PNOC: variants seen among roughly 807,000 people sequenced by gnomAD.
PNOC encodes the protein prepronociceptin.
A neutral mutation model predicts 15.6 loss-of-function variants in PNOC; 10 were observed. The observed-to-expected ratio is 0.64, with a 90% CI of 0.40 to 1.09. PNOC has a LOEUF of 1.09. Ranked by LOEUF, PNOC falls within the 50% of genes least tolerant of loss-of-function variation. PNOC has a pLI of 0.01. For missense variants in PNOC, 220 were observed against 223.9 expected (o/e 0.98, Z 0.11); for synonymous variants, 98 against 88.5 (o/e 1.11, Z -0.60).
At chr8:28,327,215 G>A (rs546082855) in intron 1 of PNOC, among the ~76,000 whole-genome samples, 1 of 152,260 alleles carries the variant, frequency 6.6e-6, no homozygotes, top group South Asian at 2.1e-4. Flanking sequence ...CCTAAAGATG[G>A]TTCTACAGGG....
chr8:28,320,780 G>A (rs931489761), intron 1 of PNOC, among the ~76,000 whole-genome samples: 1 of 150,268 alleles, frequency 6.7e-6, no homozygotes, highest in East Asian at 2.0e-4. Flanking sequence ...GAACTCGGGA[G>A]GTGGAGGTTG....
chr8:28,341,418 C>G (rs1298029041), intron 3 of PNOC, among the ~76,000 whole-genome samples: 3 of 152,218 alleles, frequency 2.0e-5, no homozygotes, highest in African/African-American at 7.2e-5. Flanking sequence ...CAGCACCTAA[C>G]AGTAAATCGT....
chr8:28,335,359 T>G (rs1801394652), intron 2 of PNOC, among the ~76,000 whole-genome samples: 1 of 152,262 alleles, frequency 6.6e-6, no homozygotes, highest in Non-Finnish European at 1.5e-5. Context: ...TTGGACACAT[T>G]ACTCAACCAC....
chr8:28,320,617 G>C (rs1036768121), intron 1 of PNOC, among the ~76,000 whole-genome samples: 1 of 152,080 alleles, frequency 6.6e-6, no homozygotes, highest in African/African-American at 2.4e-5. Context: ...TTGGGAGGCC[G>C]AGGTGGGCAG....
intron 1 of PNOC, among the ~76,000 whole-genome samples, chr8:28,318,678 G>A (rs1801099465): frequency 6.6e-6 from 1 of 152,168 alleles, no homozygotes; most frequent in African/African-American, 2.4e-5. Context: ...TGAGTCTTCT[G>A]CAGAGGAGGG....
At chr8:28,319,335 C>A (rs913058708) in intron 1 of PNOC, among the ~76,000 whole-genome samples, 1 of 152,028 alleles carries the variant, frequency 6.6e-6, no homozygotes, top group Admixed American at 6.6e-5. Context: ...ATTAGAGGAC[C>A]ATGCAAGGCA....
chr8:28,333,372 C>CT (rs1303082211), intron 2 of PNOC, among the ~76,000 whole-genome samples: 16 of 152,214 alleles, frequency 1.1e-4, no homozygotes, highest in Admixed American at 3.3e-4. Flanking sequence ...CGCATTCTGG[C>CT]TTAATATAGC....
At chr8:28,334,423 G>A (rs1400354508) in intron 2 of PNOC, among the ~76,000 whole-genome samples, 1 of 151,988 alleles carries the variant, frequency 6.6e-6, no homozygotes, top group Non-Finnish European at 1.5e-5. Context: ...CAAATTTCTG[G>A]GCCCCACCCT....
At chr8:28,336,390 A>G (rs1801412218) in intron 2 of PNOC, among the ~76,000 whole-genome samples, 2 of 152,326 alleles carry the variant, frequency 1.3e-5, no homozygotes, top group African/African-American at 4.8e-5. Flanking sequence ...CCAGGGAACT[A>G]GAAGTTATCA....
chr8:28,330,396 A>ATTTT (rs67554549), intron 2 of PNOC, among the ~76,000 whole-genome samples: 1 of 80,414 alleles, frequency 1.2e-5, no homozygotes, highest in African/African-American at 3.9e-5. Context: ...ATTTTATTTT[A>ATTTT]TTTTTTTTTT....
At chr8:28,324,640 G>A (rs1563326601) in intron 1 of PNOC, among the ~76,000 whole-genome samples, 1 of 152,172 alleles carries the variant, frequency 6.6e-6, no homozygotes, top group African/African-American at 2.4e-5. Flanking sequence ...GAAGCGGGAG[G>A]ATCACCTGAG....
chr8:28,339,599 C>A, intron 3 of PNOC, 108 bp downstream of exon 3: 1 of 867,546 alleles, frequency 1.2e-6, no homozygotes, highest in Non-Finnish European at 1.6e-6. Flanking sequence ...CCCCTCCCCA[C>A]TCCACACACA....
At chr8:28,336,016 GC>G (rs34532369) in intron 2 of PNOC, among the ~76,000 whole-genome samples, 49,669 of 152,038 alleles carry the variant, frequency 0.33, 9,983 homozygotes, top group Non-Finnish European at 0.46. Flanking sequence ...GACAGGAGCT[GC>G]CTGCAACAGT....
At chr8:28,341,824 A>C (rs1474106668) in intron 3 of PNOC, among the ~76,000 whole-genome samples, 1 of 152,180 alleles carries the variant, frequency 6.6e-6, no homozygotes, top group Non-Finnish European at 1.5e-5. Flanking sequence ...CAACATGCAC[A>C]GTTGGTGAGT....
At chr8:28,332,101 CA>C (rs1185250220) in intron 2 of PNOC, among the ~76,000 whole-genome samples, 1 of 152,214 alleles carries the variant, frequency 6.6e-6, no homozygotes, top group Non-Finnish European at 1.5e-5. Context: ...TGAAACAAGT[CA>C]GAAAATGGAC....
intron 1 of PNOC, among the ~76,000 whole-genome samples, chr8:28,328,753 A>C (rs1801268028): frequency 6.6e-6 from 1 of 152,102 alleles, no homozygotes; most frequent in Non-Finnish European, 1.5e-5. Context: ...ATTTAATGTC[A>C]CATGCTGGTA....
At chr8:28,324,964 C>G (rs1271626810) in intron 1 of PNOC, among the ~76,000 whole-genome samples, 1 of 152,182 alleles carries the variant, frequency 6.6e-6, no homozygotes, top group Non-Finnish European at 1.5e-5. Flanking sequence ...ATTTTAATTG[C>G]TTACAAACGT....
In PNOC at chr8:28,330,396, A is replaced by ATTTTATTTTTTTTTT. The variant is rs377288105; in HGVS notation, c.126+1117_126+1118insATTTTTTTTTTTTTT. ...ATTTTATTTTATTTTATTTTATTTT[A>ATTTTATTTTTTTTTT]TTTTTTTTTTTTTTTTGAGACGGAG... On this transcript the variant is annotated intron_variant, in intron 2 of 3. Transcript: ENST00000301908. Among the ~76,000 whole-genome samples, 70 of 80,438 alleles carry ATTTTATTTTTTTTTT rather than the reference A, an allele frequency of 8.7e-4. 2 individuals carry two copies. Among genetic ancestry groups the ATTTTATTTTTTTTTT allele is most frequent in the African/African-American group, 2.7e-3 (68 of 25,656 alleles). 52.8% of individuals were successfully genotyped at this position (80,438 alleles called of 152,430 possible). A position where few individuals can be genotyped will look rare whatever the true frequency, so the allele number is the denominator to read the frequency against.
intron 2 of PNOC, among the ~76,000 whole-genome samples, chr8:28,330,326 C>G (rs1052242093): frequency 1.3e-5 from 2 of 150,892 alleles, no homozygotes; most frequent in Non-Finnish European, 2.9e-5. Context: ...ACAGAAGGAC[C>G]GTGTAATTTG....
Sources: gnomAD v4.1 joint callset for allele counts (sites outside exome capture counted in the v4.1 genomes callset) on GRCh38, gnomAD v4.1.1 for gene constraint, MANE v1.5 for transcripts, NCBI Gene and HGNC (gene_info 2026-07-23, HGNC 2026-07-21) for gene names.